Variants in PCDHGB6 observed in about 807,000 individuals in gnomAD.
The protein encoded by PCDHGB6 is protocadherin gamma subfamily B, 6.
PCDHGB6 carries 51 observed loss-of-function variants against 59.1 expected under a neutral mutation model. The ratio of observed to expected loss-of-function variants is 0.86; its 90% CI spans 0.69 to 1.09. The LOEUF is 1.09. PCDHGB6 is among the 50% of genes least tolerant of loss of function. The pLI is 0.00. For synonymous variants in PCDHGB6, 466 were observed against 495.1 expected (o/e 0.94, Z 0.78); for missense variants, 1,148 against 1,205.1 (o/e 0.95, Z 0.70).
Position 141,511,380 on chromosome 5 carries a change from C to G in PCDHGB6, c.*207C>G. The G allele has an allele frequency of 7.7e-6, 9 of 1,170,490 alleles. No individual in the cohort carries two copies. The highest frequency in any genetic ancestry group is 1.1e-5 in the Non-Finnish European group (9 of 854,564). 72.5% of individuals were successfully genotyped at this position (1,170,490 alleles called of 1,614,324 possible). A position where few individuals can be genotyped will look rare whatever the true frequency, so the allele number is the denominator to read the frequency against. On this transcript the variant is annotated 3_prime_UTR_variant, in exon 4 of 4. Transcript: ENST00000520790. ...GGGGTTGAATATGCAAAAGCAGTTC[C>G]GCTGGGAACCCCCATCCAATCAACT...
At chr5:141,413,625 C>A (rs372855865) in intron 1 of PCDHGB6, 22 of 1,613,734 alleles carry the variant, frequency 1.4e-5, no homozygotes, top group Non-Finnish European at 1.9e-5. Flanking sequence ...ATGAAAATGT[C>A]GCTGCGGGAA....
intron 1 of PCDHGB6, among the ~76,000 whole-genome samples, chr5:141,479,998 G>A (rs2099511091): frequency 6.6e-6 from 1 of 152,272 alleles, no homozygotes; most frequent in South Asian, 2.1e-4. Flanking sequence ...AGGAGTCTGT[G>A]GCCAAGTTAC....
At chr5:141,478,567 C>T (rs371741874) in intron 1 of PCDHGB6, 20 of 1,593,698 alleles carry the variant, frequency 1.3e-5, no homozygotes, top group Non-Finnish European at 1.7e-5. Flanking sequence ...GCAAGTCATG[C>T]TTGACCCTGT....
chr5:141,408,818 A>G lies in PCDHGB6; in HGVS notation c.616A>G (p.Arg206Gly). Reference protein sequence around the residue: ...LEKLLDREEQRSHSLILTALD... With the variant: ...LEKLLDREEQGSHSLILTALD... Reference sequence around the variant, plus strand: ...GAAACTCCTAGACCGGGAAGAACAGAGATCTCATAGCTTGATATTGACTGC... The same window carrying G: ...GAAACTCCTAGACCGGGAAGAACAGGGATCTCATAGCTTGATATTGACTGC... The change falls in exon 1 of 4, where the codon AGA (arginine) becomes GGA (glycine). Residue 206 changes from arginine to glycine, a missense_variant. Coordinates refer to ENST00000520790, the MANE Select transcript of PCDHGB6 (RefSeq NM_018926.3). The G allele has an allele frequency of 6.2e-7, 1 of 1,613,578 alleles. No homozygotes were observed. The highest frequency in any genetic ancestry group is 1.1e-5 in the South Asian group (1 of 91,006).
At chr5:141,480,240 C>CA (rs11374694) in intron 1 of PCDHGB6, among the ~76,000 whole-genome samples, 21,591 of 113,808 alleles carry the variant, frequency 0.19, 1,578 homozygotes, top group Admixed American at 0.21. Context: ...CCTGTCTCTA[C>CA]AAAAAAAAAA....
intron 1 of PCDHGB6, chr5:141,424,481 G>A (rs1397559058): frequency 6.6e-6 from 1 of 152,056 alleles, no homozygotes; most frequent in Non-Finnish European, 1.5e-5. Flanking sequence ...TTACTTTGGT[G>A]TCTGTGTTTG....
At position 141,409,921 on chromosome 5, in the gene PCDHGB6, G is replaced by C. The variant is rs767370997; in HGVS notation, c.1719G>C (p.Ala573=). Residue 573 remains alanine, a synonymous_variant, in exon 1 of 4, where the codon GCG becomes GCC. Transcript: ENST00000520790. ...LYPALGPDGS[A]FFDMVPRSAE... ...CAGCTCTGGGTCCTGACGGCTCCGC[G>C]TTCTTCGATATGGTACCTCGCTCTG... 2.7e-5 allele frequency: 44 copies of C among 1,613,404 alleles called. No individual in the cohort carries two copies. The highest frequency in any genetic ancestry group is 3.7e-5 in the Non-Finnish European group (44 of 1,179,780).
Position 141,433,012 on chromosome 5 carries a change from G to C in PCDHGB6, c.2418+22392G>C. 1 of 1,614,172 alleles carries C rather than the reference G, an allele frequency of 6.2e-7. No homozygotes were observed. Among genetic ancestry groups the C allele is most frequent in the South Asian group, 1.1e-5 (1 of 91,080 alleles). The stretch of plus-strand genomic sequence containing the variant: ...TGGACGGGGTGCAGGCTTTCCTGCA[G>C]ACCTATTCCCACGAGGTTTCCCTCA... On this transcript the variant is annotated intron_variant, in intron 1 of 3. Coordinates refer to ENST00000520790, the MANE Select transcript of PCDHGB6 (RefSeq NM_018926.3).
intron 1 of PCDHGB6, among the ~76,000 whole-genome samples, chr5:141,451,032 A>G: frequency 6.6e-6 from 1 of 150,486 alleles, no homozygotes; most frequent in Non-Finnish European, 1.5e-5. Context: ...GTTTCACCAT[A>G]TTGGCCAGGC....
At chr5:141,423,790 T>C (rs1561813105) in intron 1 of PCDHGB6, 2 of 1,261,874 alleles carry the variant, frequency 1.6e-6, no homozygotes, top group Non-Finnish European at 1.0e-6. Context: ...TTCATATATA[T>C]TTAGAGCAAT....
intron 1 of PCDHGB6, chr5:141,421,364 T>C (rs975166167): frequency 3.7e-6 from 6 of 1,613,994 alleles, no homozygotes; most frequent in African/African-American, 1.3e-5. Context: ...GGCTCCTTCG[T>C]GGGCAATATC....
At chr5:141,412,601 A>G (rs2095565422) in intron 1 of PCDHGB6, 1 of 152,188 alleles carries the variant, frequency 6.6e-6, no homozygotes, top group African/African-American at 2.4e-5. Context: ...ACTAAATAAA[A>G]TTGGCCTATT....
intron 1 of PCDHGB6, chr5:141,433,007 C>T (rs550227016): frequency 1.2e-6 from 2 of 1,614,198 alleles, no homozygotes; most frequent in Admixed American, 3.3e-5. Context: ...GCAGGCTTTC[C>T]TGCAGACCTA....
In PCDHGB6 at chr5:141,487,774, C is replaced by T. The variant is rs1272776899; in HGVS notation, c.2419-7033C>T. 2.0e-6 allele frequency: 3 copies of T among 1,534,064 alleles called. 1 individual carries two copies. The highest frequency in any genetic ancestry group is 2.6e-6 in the Non-Finnish European group (3 of 1,135,588). On this transcript the variant is annotated intron_variant, in intron 1 of 3. Transcript: ENST00000520790. The surrounding 1 kb of genome is among the most constrained non-coding windows in gnomAD (Gnocchi z 5.0). Reference sequence around the variant, plus strand: ...ATGTGGTAGACGCTGTGCTTTGTAACTGTTTCGTGAATTAACCAGAGTTGT... The same window carrying T: ...ATGTGGTAGACGCTGTGCTTTGTAATTGTTTCGTGAATTAACCAGAGTTGT...
At chr5:141,500,499 G>A (rs531501031) in intron 2 of PCDHGB6, among the ~76,000 whole-genome samples, 11 of 151,970 alleles carry the variant, frequency 7.2e-5, no homozygotes, top group African/African-American at 2.7e-4. Context: ...GTGAGCCACC[G>A]CGCCTGGCCG....
intron 1 of PCDHGB6, chr5:141,418,770 A>G: frequency 6.2e-7 from 1 of 1,613,892 alleles, no homozygotes; most frequent in Non-Finnish European, 8.5e-7. Context: ...ATTCTAACTC[A>G]GCAGCCTTTG....
intron 3 of PCDHGB6, among the ~76,000 whole-genome samples, chr5:141,508,871 A>T (rs981330486): frequency 5.3e-5 from 8 of 152,062 alleles, no homozygotes; most frequent in East Asian, 3.9e-4. Flanking sequence ...AAGGCTGAAG[A>T]GGCTGACGGC....
chr5:141,419,604 C>T (rs1279434352), intron 1 of PCDHGB6: 1 of 1,611,850 alleles, frequency 6.2e-7, no homozygotes, highest in East Asian at 2.2e-5. Flanking sequence ...CCGCGGGCCG[C>T]GCAGCCAGGC....
At position 141,476,683 on chromosome 5, in the gene PCDHGB6, C is replaced by T; in HGVS notation, c.2419-18124C>T. The T allele has an allele frequency of 1.9e-6, 3 of 1,614,242 alleles. No homozygotes were observed. Among genetic ancestry groups the T allele is most frequent in the Non-Finnish European group, 2.5e-6 (3 of 1,180,052 alleles). ...CGCTTCGCGTGCAGACGCGGGAGGA[C>T]AGCACCAAGTACGCGGAGCTGGTGT... On this transcript the variant is annotated intron_variant, in intron 1 of 3. Coordinates refer to ENST00000520790, the MANE Select transcript of PCDHGB6 (RefSeq NM_018926.3). The surrounding 1 kb of genome is among the most constrained non-coding windows in gnomAD (Gnocchi z 7.6).
Sources: allele counts gnomAD v4.1 joint callset (sites outside exome capture counted in the v4.1 genomes callset), GRCh38; gene constraint gnomAD v4.1.1; non-coding constraint Gnocchi (gnomAD v3.1); transcripts MANE v1.5; gene names NCBI Gene and HGNC (gene_info 2026-07-23, HGNC 2026-07-21).